Variants in SLIT3 observed in about 807,000 individuals in gnomAD.
SLIT3 encodes the protein slit homolog 3 protein.
A neutral mutation model predicts 184.0 loss-of-function variants in SLIT3; 68 were observed. The ratio of observed to expected loss-of-function variants is 0.37; its 90% CI spans 0.30 to 0.45. The LOEUF (loss-of-function observed/expected upper bound fraction) is 0.45, where lower values mean the gene tolerates loss of function less well. SLIT3 is among the 20% of genes least tolerant of loss of function. SLIT3 has a pLI of 1.00. For missense variants in SLIT3, 1,707 were observed against 2,026.0 expected, an observed-to-expected ratio of 0.84 and a Z score of 3.02; for synonymous variants, 831 against 828.6, an observed-to-expected ratio of 1.00 and a Z score of -0.05.
chr5:168,668,856 G>A (rs778674310), intron 35 of SLIT3, among the ~76,000 whole-genome samples: 2 of 152,170 alleles, frequency 1.3e-5, no homozygotes, highest in East Asian at 1.9e-4. Flanking sequence ...TGTAACCTCC[G>A]CCTCCTGGGT....
intron 3 of SLIT3, among the ~76,000 whole-genome samples, chr5:169,232,186 C>T (rs1315971184): frequency 6.6e-6 from 1 of 152,104 alleles, no homozygotes; most frequent in Non-Finnish European, 1.5e-5. Context: ...GTCTTCTGTG[C>T]CTTGCTTATG....
intron 4 of SLIT3, among the ~76,000 whole-genome samples, chr5:168,943,375 A>G (rs889706781): frequency 2.0e-5 from 3 of 152,220 alleles, no homozygotes; most frequent in Non-Finnish European, 4.4e-5. Context: ...GAATAGAGAA[A>G]GAAAACTGAT....
intron 19 of SLIT3, among the ~76,000 whole-genome samples, chr5:168,748,836 G>A (rs1464879955): frequency 6.6e-6 from 1 of 152,142 alleles, no homozygotes; most frequent in African/African-American, 2.4e-5. Flanking sequence ...AGCCTCCATT[G>A]TGCCTTAATC....
chr5:168,776,838 T>G (rs1755768013), intron 12 of SLIT3, among the ~76,000 whole-genome samples: 1 of 152,088 alleles, frequency 6.6e-6, no homozygotes, highest in Non-Finnish European at 1.5e-5. Flanking sequence ...TGTTTTGATT[T>G]TTTTTAAAGT....
chr5:169,037,413 C>A (rs902671980), intron 4 of SLIT3, among the ~76,000 whole-genome samples: 2 of 152,182 alleles, frequency 1.3e-5, no homozygotes, highest in African/African-American at 4.8e-5. Context: ...GAGAAAGCTA[C>A]TTTCAGGCTT....
intron 4 of SLIT3, among the ~76,000 whole-genome samples, chr5:169,153,742 T>C (rs781400121): frequency 5.8e-4 from 88 of 152,258 alleles, no homozygotes; most frequent in Non-Finnish European, 1.1e-3. Context: ...CCAACATGAA[T>C]GTTGCTTTGA....
At chr5:168,774,511 C>G (rs1449192477) in intron 12 of SLIT3, 133 bp from the exon 13 acceptor site, 1 of 976,162 alleles carries the variant, frequency 1.0e-6, no homozygotes, top group African/African-American at 1.6e-5. Context: ...TGCTGCAGAA[C>G]AGAAAAAGAG....
intron 4 of SLIT3, among the ~76,000 whole-genome samples, chr5:169,179,004 A>T (rs1192174193): frequency 6.6e-6 from 1 of 152,226 alleles, no homozygotes; most frequent in Non-Finnish European, 1.5e-5. Context: ...GTGCGGGGGC[A>T]GGATGTAGGA....
chr5:168,919,203 T>A (rs1165837392), intron 4 of SLIT3, among the ~76,000 whole-genome samples: 1 of 146,768 alleles, frequency 6.8e-6, no homozygotes, highest in African/African-American at 2.5e-5. Context: ...GAGGTTGCAG[T>A]GAGCCGAGAT....
chr5:169,043,565 C>A (rs1022255166), intron 4 of SLIT3, among the ~76,000 whole-genome samples: 15 of 152,250 alleles, frequency 9.9e-5, no homozygotes, highest in Non-Finnish European at 1.9e-4. Context: ...ATCAAACTCT[C>A]TTTTGAAAAC....
intron 4 of SLIT3, among the ~76,000 whole-genome samples, chr5:169,044,593 G>A (rs556849188): frequency 6.6e-6 from 1 of 151,542 alleles, no homozygotes; most frequent in Admixed American, 6.6e-5. Flanking sequence ...AAGGTGGGGG[G>A]GGGGATGGGG....
intron 4 of SLIT3, among the ~76,000 whole-genome samples, chr5:169,119,372 T>C (rs1361934235): frequency 6.6e-6 from 1 of 152,198 alleles, no homozygotes; most frequent in Non-Finnish European, 1.5e-5. Context: ...TCCATATGCA[T>C]AAAAGCTGGT....
At chr5:168,990,254 C>T (rs1262421366) in intron 4 of SLIT3, among the ~76,000 whole-genome samples, 1 of 152,232 alleles carries the variant, frequency 6.6e-6, no homozygotes, top group African/African-American at 2.4e-5. Context: ...CCTCTCTTCC[C>T]TGCATCCCCA....
intron 4 of SLIT3, among the ~76,000 whole-genome samples, chr5:168,983,366 A>T (rs1755015321): frequency 6.6e-6 from 1 of 152,238 alleles, no homozygotes; most frequent in Non-Finnish European, 1.5e-5. Flanking sequence ...ATCAGTAGCA[A>T]GTTAGTGCTA....
intron 4 of SLIT3, among the ~76,000 whole-genome samples, chr5:169,037,141 AG>A (rs1757283563): frequency 6.6e-6 from 1 of 152,208 alleles, no homozygotes; most frequent in Non-Finnish European, 1.5e-5. Context: ...CGTGCCTCTA[AG>A]GCATTGCCAG....
chr5:169,289,083 T>C (rs538362466), intron 1 of SLIT3, among the ~76,000 whole-genome samples: 2 of 152,234 alleles, frequency 1.3e-5, no homozygotes, highest in East Asian at 3.9e-4. Flanking sequence ...CTGAGATGAG[T>C]GTTATTTCTC....
intron 4 of SLIT3, among the ~76,000 whole-genome samples, chr5:169,046,040 C>T (rs531731285): frequency 2.8e-4 from 42 of 152,264 alleles, no homozygotes; most frequent in African/African-American, 9.9e-4. Flanking sequence ...ATGGGAGTCA[C>T]ACAGACTGAA....
chr5:168,756,217 T>G (rs1434728511), intron 16 of SLIT3, among the ~76,000 whole-genome samples: 1 of 152,206 alleles, frequency 6.6e-6, no homozygotes, highest in Non-Finnish European at 1.5e-5. Context: ...CACAGAGCAT[T>G]GGAAGGGGAT....
At chr5:168,765,932 TG>T (rs1367591771) in intron 14 of SLIT3, among the ~76,000 whole-genome samples, 1 of 148,420 alleles carries the variant, frequency 6.7e-6, no homozygotes, top group East Asian at 2.0e-4. Flanking sequence ...GACGGGGGGG[TG>T]GGGGTAGGAG....
Sources: allele counts gnomAD v4.1 joint callset (sites outside exome capture counted in the v4.1 genomes callset), GRCh38; gene constraint gnomAD v4.1.1; transcripts MANE v1.5; gene names NCBI Gene and HGNC (gene_info 2026-07-23, HGNC 2026-07-21).